RAB3IP: variants seen among roughly 807,000 people sequenced by gnomAD.
The protein encoded by RAB3IP is RAB3A interacting protein.
RAB3IP carries 36 observed loss-of-function variants against 59.1 expected under a neutral mutation model. The observed-to-expected ratio is 0.61, with a 90% CI of 0.47 to 0.80. The LOEUF (loss-of-function observed/expected upper bound fraction) is 0.80. Ranked by LOEUF, RAB3IP falls within the 30% of genes least tolerant of loss-of-function variation. The pLI, the probability that RAB3IP is intolerant of heterozygous loss-of-function variation, is 0.00. For synonymous variants in RAB3IP, 207 were observed against 191.2 expected, an observed-to-expected ratio of 1.08 and a Z score of -0.68; for missense variants, 511 against 536.0, an observed-to-expected ratio of 0.95 and a Z score of 0.46.
chr12:69,792,004 GCAA>G (rs2136223398), intron 4 of RAB3IP, among the ~76,000 whole-genome samples: 1 of 152,256 alleles, frequency 6.6e-6, no homozygotes, highest in Admixed American at 6.5e-5. Flanking sequence ...CCTGCCTTTT[GCAA>G]CAACATGAGC....
chr12:69,796,931 A>G (rs953293239), intron 6 of RAB3IP, among the ~76,000 whole-genome samples: 1 of 152,212 alleles, frequency 6.6e-6, no homozygotes, highest in African/African-American at 2.4e-5. Context: ...ATCCCTTAAA[A>G]TGTGCATAGG....
At chr12:69,810,229 A>T (rs1416412938) in intron 8 of RAB3IP, among the ~76,000 whole-genome samples, 1 of 152,188 alleles carries the variant, frequency 6.6e-6, no homozygotes, top group African/African-American at 2.4e-5. Context: ...GCTGAACCGC[A>T]AATGCTGCTG....
Position 69,822,538 on chromosome 12 carries a change from TG to T in RAB3IP, c.*7098del, listed in dbSNP as rs771440907. On this transcript the variant is annotated 3_prime_UTR_variant, in exon 11 of 11. Coordinates refer to ENST00000247833, the MANE Select transcript of RAB3IP (RefSeq NM_022456.5). Reference sequence around the variant, plus strand: ...AGAGGCTGGGAAGGGTAATGGGGGTTGGGGGGTGGGAGGATAAAGGGGTTGG... The same window carrying T: ...AGAGGCTGGGAAGGGTAATGGGGGTTGGGGGTGGGAGGATAAAGGGGTTGG... The T allele has an allele frequency of 1.9e-5, 1 of 52,008 alleles. No homozygotes were observed. Among genetic ancestry groups the T allele is most frequent in the South Asian group, 6.5e-4 (1 of 1,550 alleles). The allele number at this position is 52,008 out of a possible 1,614,324, so 3.2% of individuals were successfully genotyped here.
At chr12:69,810,891 T>C (rs1880343202) in intron 8 of RAB3IP, among the ~76,000 whole-genome samples, 1 of 152,320 alleles carries the variant, frequency 6.6e-6, no homozygotes, top group Admixed American at 6.5e-5. Flanking sequence ...TTTATTAATG[T>C]AGTGTAGCAT....
chr12:69,795,201 A>G lies in RAB3IP; in HGVS notation c.745A>G (p.Thr249Ala), dbSNP rs142606246. The G allele has an allele frequency of 6.8e-6, 11 of 1,614,056 alleles. No individual in the cohort carries two copies. Among genetic ancestry groups the G allele is most frequent in the East Asian group, 2.2e-5 (1 of 44,884 alleles). Residue 249 changes from threonine (T) to alanine (A), a missense_variant, in exon 6 of 11, where the codon ACA becomes GCA. Coordinates refer to ENST00000247833, the MANE Select transcript of RAB3IP (RefSeq NM_022456.5). ...LKTLVLSSSPTSPTQEPLPGG... is the reference protein window; with the variant it reads ...LKTLVLSSSPASPTQEPLPGG... Reference sequence around the variant, plus strand: ...GACACTTGTATTGTCCAGTTCTCCAACATCACCTACGCAGGAGCCTTTGCC... The same window carrying G: ...GACACTTGTATTGTCCAGTTCTCCAGCATCACCTACGCAGGAGCCTTTGCC...
Position 69,814,748 on chromosome 12 carries a change from C to T in RAB3IP, c.1301-616C>T, listed in dbSNP as rs112732607. ...GAATATAATCTGATCATATATCAAA[C>T]GAAGACCTTTTATTGTCTGAAATAA... On this transcript the variant is annotated intron_variant, in intron 10 of 10. Coordinates refer to ENST00000247833, the MANE Select transcript of RAB3IP (RefSeq NM_022456.5). 4.1e-4 allele frequency among the ~76,000 whole-genome samples: 63 copies of T among 152,250 alleles called. 1 individual carries two copies. Among genetic ancestry groups the T allele is most frequent in the African/African-American group, 1.5e-3 (61 of 41,548 alleles).
chr12:69,795,321 C>G lies in RAB3IP; in HGVS notation c.865C>G (p.Pro289Ala), dbSNP rs1877275805. 4 of 1,613,670 alleles carry G rather than the reference C, an allele frequency of 2.5e-6. No individual in the cohort carries two copies. Among genetic ancestry groups the G allele is most frequent in the Non-Finnish European group, 2.5e-6 (3 of 1,179,656 alleles). ...GSHQDLSVIQ[P>A]IVKDCKEADL... is the part of the protein sequence containing the mutation. ...TCATCAGGACCTCAGTGTGATACAG[C>G]CAATTGTAAAAGACTGCAAAGAGGT... is the stretch of plus-strand genomic sequence containing the variant. The change falls in exon 6 of 11, where the codon CCA becomes GCA. Residue 289 changes from proline to alanine, a missense_variant. By Grantham distance (27) the Pro-to-Ala change is conservative. Coordinates refer to ENST00000247833, the MANE Select transcript of RAB3IP (RefSeq NM_022456.5).
Position 69,812,971 on chromosome 12 carries a change from C to G in RAB3IP, c.1238C>G (p.Ser413Cys). The G allele has an allele frequency of 6.2e-7, 1 of 1,613,256 alleles. No individual in the cohort carries two copies. The highest frequency in any genetic ancestry group is 8.5e-7 in the Non-Finnish European group (1 of 1,179,246). The change falls in exon 10 of 11, where the codon TCT (serine) becomes TGT (cysteine). Residue 413 changes from serine to cysteine, a missense_variant. Physicochemically the swap from Ser to Cys is moderately radical, Grantham distance 112. Coordinates refer to ENST00000247833, the MANE Select transcript of RAB3IP (RefSeq NM_022456.5). ...TTTCTCCATTTGGCCTAGATCACTT[C>G]TGTATGTAACTTTTTTACATACATT... ...ISPFCRYRIT[S>C]VCNFFTYIRY...
intron 1 of RAB3IP, among the ~76,000 whole-genome samples, chr12:69,744,340 G>A (rs575568064): frequency 6.6e-6 from 1 of 151,980 alleles, no homozygotes; most frequent in Admixed American, 6.5e-5. Context: ...TATAATATTA[G>A]CTCATAAGTT....
At chr12:69,770,086 G>C (rs569781479) in intron 3 of RAB3IP, among the ~76,000 whole-genome samples, 11 of 152,242 alleles carry the variant, frequency 7.2e-5, no homozygotes, top group African/African-American at 2.6e-4. Flanking sequence ...CAGTTTAAGA[G>C]AGTCTTCCTA....
At chr12:69,758,601 G>GTGTTTT (rs1870609265) in intron 3 of RAB3IP, among the ~76,000 whole-genome samples, 4 of 151,832 alleles carry the variant, frequency 2.6e-5, no homozygotes, top group African/African-American at 9.7e-5. Context: ...AATAATTGTT[G>GTGTTTT]TATGTTTCAC....
chr12:69,745,401 A>G (rs192809093), intron 1 of RAB3IP, among the ~76,000 whole-genome samples: 10 of 151,854 alleles, frequency 6.6e-5, no homozygotes, highest in Admixed American at 5.9e-4. Flanking sequence ...TAGTAAATTC[A>G]AGTTTCTGTT....
intron 8 of RAB3IP, among the ~76,000 whole-genome samples, chr12:69,808,772 T>G (rs1287982751): frequency 1.3e-5 from 2 of 152,200 alleles, no homozygotes; most frequent in African/African-American, 2.4e-5. Flanking sequence ...CTCCATCCCT[T>G]TATTTTGAGC....
Position 69,775,328 on chromosome 12 carries a change from T to G in RAB3IP, c.511-9392T>G, listed in dbSNP as rs1436942767. Among the ~76,000 whole-genome samples the G allele has an allele frequency of 2.1e-5, 3 of 141,090 alleles. No individual in the cohort carries two copies. In the East Asian group the frequency reaches 6.7e-4, roughly 32 times the overall value. 92.6% of individuals were successfully genotyped at this position (141,090 alleles called of 152,430 possible). A position where few individuals can be genotyped will look rare whatever the true frequency, so the allele number is the denominator to read the frequency against. ...AGATTTTGGGCTGAGACGATGGTGT[T>G]TTCTAGATAAACAATCATGTCATCT... On this transcript the variant is annotated intron_variant, in intron 3 of 10. Coordinates refer to ENST00000247833, the MANE Select transcript of RAB3IP (RefSeq NM_022456.5).
chr12:69,749,814 TATC>T (rs1393329524), intron 1 of RAB3IP, among the ~76,000 whole-genome samples: 2 of 152,254 alleles, frequency 1.3e-5, no homozygotes, highest in Admixed American at 6.5e-5. Context: ...ATTTATCACA[TATC>T]ATTGCCTCTA....
chr12:69,755,984 G>A (rs955929125), intron 2 of RAB3IP, among the ~76,000 whole-genome samples: 25 of 152,316 alleles, frequency 1.6e-4, no homozygotes, highest in African/African-American at 6.0e-4. Context: ...TATGGATGCA[G>A]AATTTTGAAT....
chr12:69,757,203 CAG>C (rs1225490246), intron 3 of RAB3IP, among the ~76,000 whole-genome samples: 5 of 151,988 alleles, frequency 3.3e-5, no homozygotes, highest in African/African-American at 2.4e-5. Context: ...AGTTAAATTT[CAG>C]AGGAAAATTT....
At position 69,819,481 on chromosome 12, in the gene RAB3IP, A is replaced by G. The variant is rs1881476374; in HGVS notation, c.*4035A>G. On this transcript the variant is annotated 3_prime_UTR_variant, in exon 11 of 11. Transcript: ENST00000247833. ...TTCAGTAAGGTCAGTCCAGGAGAAA[A>G]TTTGGGGAGTAGTTAGCCATGGGAT... 6.6e-6 allele frequency: 1 copy of G among 152,302 alleles called. No individual in the cohort carries two copies. Among genetic ancestry groups the G allele is most frequent in the African/African-American group, 2.4e-5 (1 of 41,424 alleles). 9.4% of individuals were successfully genotyped at this position (152,302 alleles called of 1,614,324 possible). A position where few individuals can be genotyped will look rare whatever the true frequency, so the allele number is the denominator to read the frequency against.
At chr12:69,739,701 G>A in intron 1 of RAB3IP, 1 of 779,516 alleles carries the variant, frequency 1.3e-6, no homozygotes, top group Non-Finnish European at 2.2e-6. Context: ...CGGGGGAGTT[G>A]AGACGAACTG....
Sources: gnomAD v4.1 joint callset for allele counts (sites outside exome capture counted in the v4.1 genomes callset) on GRCh38, gnomAD v4.1.1 for gene constraint, MANE v1.5 for transcripts, NCBI Gene and HGNC (gene_info 2026-07-23, HGNC 2026-07-21) for gene names.